RGS6: variants seen among roughly 807,000 people sequenced by gnomAD.
RGS6 encodes regulator of G-protein signaling 6.
In RGS6, 30 loss-of-function variants were observed where a neutral mutation model predicts 78.5. That is an observed-to-expected ratio of 0.38 (90% CI 0.29 to 0.52). The LOEUF (loss-of-function observed/expected upper bound fraction) is 0.52. Ranked by LOEUF, RGS6 falls within the 20% of genes least tolerant of loss-of-function variation. RGS6 has a pLI of 0.85. For missense variants in RGS6, 495 were observed against 609.7 expected, an observed-to-expected ratio of 0.81 and a Z score of 1.98; for synonymous variants, 206 against 206.0, an observed-to-expected ratio of 1.00 and a Z score of 0.00.
chr14:72,537,629 C>T, intron 16 of RGS6: 1 of 680,114 alleles, frequency 1.5e-6, no homozygotes, highest in South Asian at 1.6e-5. Flanking sequence ...ATACATGGCT[C>T]TAATGCCCAT....
intron 2 of RGS6, among the ~76,000 whole-genome samples, chr14:72,137,240 GATTTTGTAA>G (rs1169141325): frequency 2.6e-5 from 4 of 152,166 alleles, no homozygotes; most frequent in African/African-American, 9.7e-5. Flanking sequence ...TTACATATAT[GATTTTGTAA>G]AACCCTTTCT....
intron 2 of RGS6, among the ~76,000 whole-genome samples, chr14:71,973,621 G>A (rs2093942471): frequency 6.6e-6 from 1 of 152,214 alleles, no homozygotes; most frequent in African/African-American, 2.4e-5. Context: ...GGAGGCAGAA[G>A]CTACAGTGAG....
chr14:71,915,299 G>A, the RGS6 span, among the ~76,000 whole-genome samples: 2 of 151,946 alleles, frequency 1.3e-5, no homozygotes, highest in Admixed American at 6.6e-5. Flanking sequence ...AGAGTAAGTA[G>A]AGAACAGAAA....
At chr14:72,325,530 A>G (rs1452080514) in intron 2 of RGS6, among the ~76,000 whole-genome samples, 1 of 152,098 alleles carries the variant, frequency 6.6e-6, no homozygotes, top group Non-Finnish European at 1.5e-5. Flanking sequence ...TAATTTTTGT[A>G]TAAGGTGTGA....
chr14:72,489,521 G>C (rs1436146368), intron 12 of RGS6, among the ~76,000 whole-genome samples: 1 of 152,186 alleles, frequency 6.6e-6, no homozygotes, highest in African/African-American at 2.4e-5. Context: ...ATTCAGTTAA[G>C]GATATCTACA....
At chr14:72,150,878 G>A (rs549742021) in intron 2 of RGS6, among the ~76,000 whole-genome samples, 14 of 152,258 alleles carry the variant, frequency 9.2e-5, no homozygotes, top group South Asian at 6.2e-4. Context: ...TCCATGTCAC[G>A]TGGAAAATAT....
intron 2 of RGS6, among the ~76,000 whole-genome samples, chr14:72,221,114 A>G (rs1212520304): frequency 1.3e-5 from 2 of 152,174 alleles, no homozygotes; most frequent in East Asian, 3.9e-4. Flanking sequence ...TTGAAGTCAG[A>G]TCCCAGTGTG....
At chr14:72,386,154 A>G (rs1393744119) in intron 3 of RGS6, among the ~76,000 whole-genome samples, 1 of 152,114 alleles carries the variant, frequency 6.6e-6, no homozygotes, top group African/African-American at 2.4e-5. Flanking sequence ...TAGTCCTAAC[A>G]CTGACTTGGA....
At chr14:71,960,682 A>G (rs2093125448) in intron 1 of RGS6, among the ~76,000 whole-genome samples, 1 of 152,172 alleles carries the variant, frequency 6.6e-6, no homozygotes, top group Admixed American at 6.5e-5. Flanking sequence ...CTCACTCTCC[A>G]CACTTGGCTG....
At chr14:72,097,953 G>A (rs985537252) in intron 2 of RGS6, among the ~76,000 whole-genome samples, 6 of 152,134 alleles carry the variant, frequency 3.9e-5, no homozygotes, top group African/African-American at 9.7e-5. Context: ...CAACTATGTC[G>A]ATGTCTGGGT....
At chr14:72,415,880 C>T (rs1010044954) in intron 3 of RGS6, among the ~76,000 whole-genome samples, 8 of 152,230 alleles carry the variant, frequency 5.3e-5, no homozygotes, top group South Asian at 4.2e-4. Flanking sequence ...ACATCTGGCA[C>T]AGCTCACGTC....
chr14:72,616,912 C>T, the RGS6 span, among the ~76,000 whole-genome samples: 27 of 152,298 alleles, frequency 1.8e-4, 1 homozygote, highest in South Asian at 5.0e-3. Context: ...TTGCTATCCC[C>T]GCTTTCCAGA....
chr14:72,267,980 C>T (rs937035725), intron 2 of RGS6, among the ~76,000 whole-genome samples: 2 of 152,348 alleles, frequency 1.3e-5, no homozygotes, highest in African/African-American at 2.4e-5. Flanking sequence ...CTCACACACT[C>T]GTGTGGGTAC....
chr14:72,117,280 G>A (rs1048922740), intron 2 of RGS6, among the ~76,000 whole-genome samples: 7 of 152,098 alleles, frequency 4.6e-5, no homozygotes. Context: ...GGGGCTGGTG[G>A]GAGGTGTTTG....
At chr14:72,188,853 C>G (rs769121511) in intron 2 of RGS6, among the ~76,000 whole-genome samples, 1 of 152,198 alleles carries the variant, frequency 6.6e-6, no homozygotes, top group Non-Finnish European at 1.5e-5. Flanking sequence ...AAAAAGAACT[C>G]TCTCTGAACA....
At chr14:71,879,213 C>A in the RGS6 span, among the ~76,000 whole-genome samples, 1 of 152,128 alleles carries the variant, frequency 6.6e-6, no homozygotes, top group Non-Finnish European at 1.5e-5. Context: ...TCTTTGAAAG[C>A]ACAAAATGAA....
chr14:71,948,657 C>T (rs540696066), intron 1 of RGS6, among the ~76,000 whole-genome samples: 2 of 151,528 alleles, frequency 1.3e-5, no homozygotes, highest in East Asian at 1.9e-4. Flanking sequence ...TTCCAGAAAC[C>T]ACCTCATGGG....
intron 2 of RGS6, among the ~76,000 whole-genome samples, chr14:72,262,741 C>T (rs1041690450): frequency 6.6e-5 from 10 of 152,088 alleles, no homozygotes; most frequent in Admixed American, 2.6e-4. Context: ...TCCAAATGAC[C>T]GAAACTCAAC....
At chr14:72,054,871 C>T (rs998728726) in intron 2 of RGS6, among the ~76,000 whole-genome samples, 3 of 152,166 alleles carry the variant, frequency 2.0e-5, no homozygotes, top group Non-Finnish European at 4.4e-5. Context: ...GGTATCATCC[C>T]TGGCTTATAT....
Sources: allele counts gnomAD v4.1 joint callset (sites outside exome capture counted in the v4.1 genomes callset), GRCh38; gene constraint gnomAD v4.1.1; transcripts MANE v1.5; gene names NCBI Gene and HGNC (gene_info 2026-07-23, HGNC 2026-07-21).